The following TRPV3 variants were observed in gnomAD, a reference collection of about 807,000 sequenced individuals.
The protein encoded by TRPV3 is transient receptor potential cation channel subfamily V member 3, also known as VRL-3.
In TRPV3, 88 loss-of-function variants were observed where a neutral mutation model predicts 87.1. The ratio of observed to expected loss-of-function variants is 1.01; its 90% confidence interval spans 0.85 to 1.21. The LOEUF (loss-of-function observed/expected upper bound fraction) is 1.21. Among genes scored for constraint, TRPV3 ranks in the 50% most tolerant of loss-of-function variants. The pLI is 0.00. For synonymous variants in TRPV3, 438 were observed against 423.3 expected, an observed-to-expected ratio of 1.03 and a Z score of -0.43; for missense variants, 1,054 against 1,030.1, an observed-to-expected ratio of 1.02 and a Z score of -0.32.
chr17:3,542,237 G>A (rs1567641862), intron 6 of TRPV3, among the ~76,000 whole-genome samples: 2 of 152,180 alleles, frequency 1.3e-5, no homozygotes, highest in Non-Finnish European at 2.9e-5. Flanking sequence ...GATTCCAGGC[G>A]TGAGCCACCA....
At position 3,513,770 on chromosome 17, in the gene TRPV3, C is replaced by CCACTGAG. The variant is rs2074144025; in HGVS notation, c.*140_*146dup. 3.2e-6 allele frequency: 2 copies of CCACTGAG among 625,322 alleles called. No homozygotes were observed. The highest frequency in any genetic ancestry group is 2.8e-6 in the Non-Finnish European group (1 of 356,554). The allele number at this position is 625,322 out of a possible 1,614,324, so 38.7% of individuals were successfully genotyped here. On this transcript the variant is annotated 3_prime_UTR_variant, in exon 18 of 18. Transcript: ENST00000576742. ...GACAACTGCCCCTCAGTTCAGACAC[C>CCACTGAG]CACTGAGCACTGAGCACGAGGGTGC...
In TRPV3 at chr17:3,530,876, T is replaced by C. The variant is rs1169044599; in HGVS notation, c.1066-673A>G. ...TTCGAGACCAGCCTGGCCAACATGG[T>C]GGAATCCTGTCTCTACTAAAAATAC... On this transcript the variant is annotated intron_variant, in intron 8 of 17. Coordinates refer to ENST00000576742, the MANE Select transcript of TRPV3 (RefSeq NM_145068.4). The surrounding 1 kb of genome is among the most constrained non-coding windows in gnomAD (Gnocchi z 4.0). Among the ~76,000 whole-genome samples, 7 of 152,054 alleles carry C rather than the reference T, an allele frequency of 4.6e-5. No homozygotes were observed. The East Asian group carries it at 1.4e-3, about 30-fold the overall frequency.
In TRPV3 at chr17:3,512,363, C is replaced by CA. The variant is rs2074124615; in HGVS notation, c.*1553dup. On this transcript the variant is annotated 3_prime_UTR_variant, in exon 18 of 18. Transcript: ENST00000576742. ...CCCACCTCTCCCCAATCGGCCCCAT[C>CA]AGGGGCACAAAGTCTCTATCTGTCC... 3 of 152,302 alleles carry CA rather than the reference C, an allele frequency of 2.0e-5. No individual in the cohort carries two copies. The East Asian group carries it at 5.8e-4, about 29-fold the overall frequency. The allele number at this position is 152,302 out of a possible 1,614,324, so 9.4% of individuals were successfully genotyped here.
rs1454671400 is a variant in TRPV3 at position 3,511,297 on chromosome 17, C to G, written c.*2620G>C. On this transcript the variant is annotated 3_prime_UTR_variant, in exon 18 of 18. Transcript: ENST00000576742. Reference sequence around the variant, plus strand: ...CACCTGAGAAAATAGTCCTGCCCCCCAATATAAGCGAAATACAAAGACTCA... The same window carrying G: ...CACCTGAGAAAATAGTCCTGCCCCCGAATATAAGCGAAATACAAAGACTCA... 7 of 152,166 alleles carry G rather than the reference C, an allele frequency of 4.6e-5. No homozygotes were observed. Among genetic ancestry groups the G allele is most frequent in the South Asian group, 4.2e-4 (2 of 4,806 alleles). 9.4% of individuals were successfully genotyped at this position (152,166 alleles called of 1,614,324 possible). A position where few individuals can be genotyped will look rare whatever the true frequency, so the allele number is the denominator to read the frequency against.
chr17:3,541,090 G>T (rs1231599030), intron 6 of TRPV3, among the ~76,000 whole-genome samples: 7 of 152,250 alleles, frequency 4.6e-5, no homozygotes, highest in Admixed American at 4.6e-4. Flanking sequence ...TTGTGGCAGG[G>T]CGTGGTGGCT....
At chr17:3,519,838 A>AT (rs2074227149) in intron 14 of TRPV3, among the ~76,000 whole-genome samples, 1 of 128,726 alleles carries the variant, frequency 7.8e-6, no homozygotes, top group African/African-American at 2.8e-5. Context: ...AAATGGATGA[A>AT]TGGATGGATG....
Position 3,540,920 on chromosome 17 carries a change from C to G in TRPV3, c.643+1602G>C, listed in dbSNP as rs553458527. Among the ~76,000 whole-genome samples the G allele has an allele frequency of 1.4e-4, 22 of 152,340 alleles. No individual in the cohort carries two copies. The South Asian group carries it at 4.3e-3, about 30-fold the overall frequency. On this transcript the variant is annotated intron_variant, in intron 6 of 17. Transcript: ENST00000576742. Reference sequence around the variant, plus strand: ...CAGTCTTCCCTAGGTTTCCTCTCCTCCACTCCATATCTTCTAGTTTGTCAC... The same window carrying G: ...CAGTCTTCCCTAGGTTTCCTCTCCTGCACTCCATATCTTCTAGTTTGTCAC...
chr17:3,539,387 C>G (rs1329501671), intron 6 of TRPV3, among the ~76,000 whole-genome samples: 1 of 152,016 alleles, frequency 6.6e-6, no homozygotes, highest in Non-Finnish European at 1.5e-5. Flanking sequence ...GGTGCGGTGG[C>G]TCACGCCTAT....
At chr17:3,534,392 T>TA (rs539702186) in intron 7 of TRPV3, among the ~76,000 whole-genome samples, 6 of 151,942 alleles carry the variant, frequency 3.9e-5, no homozygotes, top group Non-Finnish European at 7.4e-5. Context: ...GAGACTCCAT[T>TA]AAAAAAATAA....
In TRPV3 at chr17:3,554,933, C is replaced by T. The variant is rs769657582; in HGVS notation, c.-2-81G>A. 7.5e-6 allele frequency: 6 copies of T among 797,434 alleles called. No individual in the cohort carries two copies. In the Admixed American group the frequency reaches 9.2e-5, roughly 12 times the overall value. The allele number at this position is 797,434 out of a possible 1,614,324, so 49.4% of individuals were successfully genotyped here. On this transcript the variant is annotated intron_variant, in intron 1 of 17. Coordinates refer to ENST00000576742, the MANE Select transcript of TRPV3 (RefSeq NM_145068.4). ...GGAGTTTAGGGGCCCCATGTGGCTG[C>T]ATCCAGCTCCCGTTCACACTACCTG...
intron 14 of TRPV3, among the ~76,000 whole-genome samples, chr17:3,519,824 G>T (rs975199058): frequency 2.9e-5 from 4 of 136,134 alleles, no homozygotes; most frequent in Admixed American, 2.2e-4. Flanking sequence ...ATGGATGGAT[G>T]ATTAAATGGA....
chr17:3,537,814 G>A (rs1024974719), intron 6 of TRPV3, among the ~76,000 whole-genome samples: 10 of 150,030 alleles, frequency 6.7e-5, no homozygotes, highest in African/African-American at 2.5e-4. Context: ...GTTGAAGCAG[G>A]AGAATCACTT....
intron 7 of TRPV3, 46 bp downstream of exon 7, chr17:3,535,527 C>G: frequency 1.3e-6 from 2 of 1,521,680 alleles, no homozygotes; most frequent in Non-Finnish European, 1.8e-6. Context: ...TCCCGTCTCC[C>G]TCCTCCCTCC....
rs1318113326 is a variant in TRPV3 at position 3,556,703 on chromosome 17, C to T, written c.-3+973G>A. On this transcript the variant is annotated intron_variant, in intron 1 of 17. Transcript: ENST00000576742. The surrounding 1 kb of genome is among the most constrained non-coding windows in gnomAD (Gnocchi z 4.2). ...TGGAGGAGGCATCGGCGAGGGAGAG[C>T]TTTGGCCCTGGAGCGTAGGCAACCT... 6.6e-6 allele frequency among the ~76,000 whole-genome samples: 1 copy of T among 152,148 alleles called. No homozygotes were observed. The highest frequency in any genetic ancestry group is 2.4e-5 in the African/African-American group (1 of 41,428).
chr17:3,523,715 C>T (rs1261770988), intron 13 of TRPV3, among the ~76,000 whole-genome samples: 2 of 137,968 alleles, frequency 1.4e-5, no homozygotes, highest in Admixed American at 1.5e-4. Context: ...AAGACTTGGT[C>T]TCCAAAAAAA....
At chr17:3,552,926 A>C (rs2074592507) in intron 2 of TRPV3, 1 of 150,710 alleles carries the variant, frequency 6.6e-6, no homozygotes, top group Admixed American at 6.6e-5. Flanking sequence ...TGCCCCCATG[A>C]CCCCACACGA....
chr17:3,532,417 C>T (rs1026800547), intron 8 of TRPV3, among the ~76,000 whole-genome samples: 8 of 152,370 alleles, frequency 5.3e-5, no homozygotes, highest in East Asian at 3.9e-4. Flanking sequence ...GAGATGGAAA[C>T]GCGGCGTATT....
intron 6 of TRPV3, among the ~76,000 whole-genome samples, chr17:3,540,337 G>A (rs912107752): frequency 1.2e-4 from 18 of 152,214 alleles, no homozygotes; most frequent in Middle Eastern, 3.4e-3. Flanking sequence ...CAGAACGGTG[G>A]TGGGGTTGGT....
At chr17:3,547,040 C>A (rs1053279348) in intron 2 of TRPV3, among the ~76,000 whole-genome samples, 1 of 151,860 alleles carries the variant, frequency 6.6e-6, no homozygotes, top group Non-Finnish European at 1.5e-5. Flanking sequence ...GTCTCTACTG[C>A]GGGTGGCCTA....
Sources: allele counts gnomAD v4.1 joint callset (sites outside exome capture counted in the v4.1 genomes callset), GRCh38; gene constraint gnomAD v4.1.1; non-coding constraint Gnocchi (gnomAD v3.1); transcripts MANE v1.5; gene names NCBI Gene and HGNC (gene_info 2026-07-23, HGNC 2026-07-21).